The following NEGR1 variants were observed in gnomAD, a reference collection of about 807,000 sequenced individuals.
The protein encoded by NEGR1 is IgLON family member 4.
In NEGR1, 10 loss-of-function variants were observed where a neutral mutation model predicts 40.9. That is an observed-to-expected ratio of 0.24 (90% CI 0.15 to 0.42). The LOEUF (loss-of-function observed/expected upper bound fraction) is 0.42. NEGR1 is among the 10% of genes least tolerant of loss of function. The pLI, the probability that NEGR1 is intolerant of heterozygous loss-of-function variation, is 1.00. For synonymous variants in NEGR1, 185 were observed against 166.8 expected, an observed-to-expected ratio of 1.11 and a Z score of -0.84; for missense variants, 352 against 438.9, an observed-to-expected ratio of 0.80 and a Z score of 1.77.
At chr1:72,150,940 G>A (rs929450642) in intron 1 of NEGR1, among the ~76,000 whole-genome samples, 3 of 151,604 alleles carry the variant, frequency 2.0e-5, no homozygotes, top group Non-Finnish European at 2.9e-5. Context: ...TTTAGGTAAT[G>A]GCCCAACAAC....
At position 71,402,655 on chromosome 1, in the gene NEGR1, G is replaced by A. The variant is rs980845589; in HGVS notation, c.*4791C>T. On this transcript the variant is annotated 3_prime_UTR_variant, in exon 7 of 7. Coordinates refer to ENST00000357731, the MANE Select transcript of NEGR1 (RefSeq NM_173808.3). ...GAAAGTTCAGAGGGAGTACATTGAC[G>A]GGTGTTTGGATCAAATTCCACTAAC... The A allele has an allele frequency of 6.6e-6, 1 of 152,192 alleles. No homozygotes were observed. The highest frequency in any genetic ancestry group is 2.1e-4 in the South Asian group (1 of 4,834). The allele number at this position is 152,192 out of a possible 1,614,324, so 9.4% of individuals were successfully genotyped here. A position where few individuals can be genotyped will look rare whatever the true frequency, so the allele number is the denominator to read the frequency against.
chr1:71,442,318 T>C (rs1646553564), intron 6 of NEGR1, among the ~76,000 whole-genome samples: 1 of 147,190 alleles, frequency 6.8e-6, no homozygotes, highest in South Asian at 2.1e-4. Flanking sequence ...CATCGTTAAA[T>C]AATTGGACAT....
intron 6 of NEGR1, among the ~76,000 whole-genome samples, chr1:71,491,415 T>C (rs1484648947): frequency 6.6e-6 from 1 of 151,932 alleles, no homozygotes; most frequent in Admixed American, 6.6e-5. Context: ...GACATTATCA[T>C]GGACTTCAGA....
At chr1:71,710,658 G>T (rs1365391883) in intron 3 of NEGR1, among the ~76,000 whole-genome samples, 1 of 152,060 alleles carries the variant, frequency 6.6e-6, no homozygotes, top group Non-Finnish European at 1.5e-5. Flanking sequence ...TCACTTATTT[G>T]TGGTATCTAA....
At chr1:71,615,246 C>T (rs1027645049) in intron 4 of NEGR1, among the ~76,000 whole-genome samples, 3 of 151,704 alleles carry the variant, frequency 2.0e-5, no homozygotes, top group African/African-American at 7.3e-5. Flanking sequence ...TTCTTTATTC[C>T]TCTGTTGATT....
intron 2 of NEGR1, among the ~76,000 whole-genome samples, chr1:71,777,569 C>T (rs1360430138): frequency 6.6e-6 from 1 of 151,940 alleles, no homozygotes; most frequent in Non-Finnish European, 1.5e-5. Flanking sequence ...AGCAATTACA[C>T]CCCTTGGTAA....
chr1:72,078,351 A>G (rs1647839214), intron 1 of NEGR1, among the ~76,000 whole-genome samples: 1 of 152,132 alleles, frequency 6.6e-6, no homozygotes, highest in Admixed American at 6.6e-5. Context: ...ACTGTCTTTC[A>G]ACCTTTTACC....
At chr1:71,844,280 A>G (rs1203684226) in intron 2 of NEGR1, among the ~76,000 whole-genome samples, 1 of 152,180 alleles carries the variant, frequency 6.6e-6, no homozygotes, top group Non-Finnish European at 1.5e-5. Flanking sequence ...AATTTTATGA[A>G]GTGGGCCTTC....
chr1:71,616,267 C>G (rs79633627), intron 4 of NEGR1, among the ~76,000 whole-genome samples: 2,411 of 152,230 alleles, frequency 0.016, 36 homozygotes, highest in Middle Eastern at 0.034. Context: ...AAATGCTCCC[C>G]ATCGCTGGCA....
intron 6 of NEGR1, 95 bp downstream of exon 6, chr1:71,592,722 T>C (rs1334005): frequency 0.96 from 952,910 of 991,870 alleles, 461,403 homozygotes; most frequent in Non-Finnish European, 1. Flanking sequence ...GGTTGAGTTT[T>C]AAAATGAACG....
chr1:71,867,226 T>A (rs780548570), intron 2 of NEGR1, among the ~76,000 whole-genome samples: 4 of 151,966 alleles, frequency 2.6e-5, no homozygotes, highest in African/African-American at 7.3e-5. Flanking sequence ...ATACAAAAAA[T>A]AGCCAGGTGT....
intron 1 of NEGR1, among the ~76,000 whole-genome samples, chr1:71,990,749 T>C (rs1557471840): frequency 2.0e-5 from 3 of 152,068 alleles, no homozygotes; most frequent in Admixed American, 2.0e-4. Flanking sequence ...GATACATCTC[T>C]AATACTTCCT....
chr1:72,198,568 C>A (rs1378238425), intron 1 of NEGR1, among the ~76,000 whole-genome samples: 3 of 151,968 alleles, frequency 2.0e-5, no homozygotes, highest in Non-Finnish European at 2.9e-5. Context: ...CATATCTATT[C>A]CTGATACAAG....
intron 1 of NEGR1, chr1:72,275,050 C>G: frequency 6.9e-7 from 1 of 1,458,552 alleles, no homozygotes. Context: ...GCTCTTGGAA[C>G]CAACTGAGCA....
At chr1:72,003,706 A>G (rs1330273424) in intron 1 of NEGR1, among the ~76,000 whole-genome samples, 1 of 152,180 alleles carries the variant, frequency 6.6e-6, no homozygotes, top group Non-Finnish European at 1.5e-5. Flanking sequence ...TAAAAACGAT[A>G]TAAAATCTTA....
intron 2 of NEGR1, among the ~76,000 whole-genome samples, chr1:71,778,591 T>C (rs1656591685): frequency 6.6e-6 from 1 of 152,200 alleles, no homozygotes; most frequent in Non-Finnish European, 1.5e-5. Context: ...CAGTGCCCAC[T>C]ATTAAAAAAA....
intron 1 of NEGR1, among the ~76,000 whole-genome samples, chr1:72,273,380 C>G (rs1482342648): frequency 6.6e-6 from 1 of 151,842 alleles, no homozygotes; most frequent in Non-Finnish European, 1.5e-5. Context: ...GTTAGGAGGT[C>G]ACAATAGACA....
intron 1 of NEGR1, among the ~76,000 whole-genome samples, chr1:72,237,184 C>T (rs1240281591): frequency 6.6e-6 from 1 of 151,884 alleles, no homozygotes; most frequent in Non-Finnish European, 1.5e-5. Context: ...AATTACAAAT[C>T]ATACAAAGCA....
intron 1 of NEGR1, among the ~76,000 whole-genome samples, chr1:71,967,254 T>C (rs1474166308): frequency 6.6e-6 from 1 of 152,134 alleles, no homozygotes; most frequent in Non-Finnish European, 1.5e-5. Context: ...ATGCCACAAC[T>C]CTGTAATAAA....
Sources: gnomAD v4.1 joint callset for allele counts (sites outside exome capture counted in the v4.1 genomes callset) on GRCh38, gnomAD v4.1.1 for gene constraint, MANE v1.5 for transcripts, NCBI Gene and HGNC (gene_info 2026-07-23, HGNC 2026-07-21) for gene names.